Variants in TSC22D1 observed in about 807,000 individuals in gnomAD.
TSC22D1 encodes TSC22 domain family member 1, also known as TSC22 domain family protein 1.
In TSC22D1, 9 loss-of-function variants were observed where a neutral mutation model predicts 74.2. The observed-to-expected ratio is 0.12, with a 90% CI of 0.07 to 0.21. The LOEUF is 0.21. Among genes scored for constraint, TSC22D1 ranks in the 10% least tolerant of loss-of-function variants. The pLI is 1.00. For missense variants in TSC22D1, 1,427 were observed against 1,304.7 expected, an observed-to-expected ratio of 1.09 and a Z score of -1.44; for synonymous variants, 586 against 492.5, an observed-to-expected ratio of 1.19 and a Z score of -2.51.
chr13:44,575,338 C>G lies in TSC22D1; in HGVS notation c.737G>C (p.Ser246Thr). The change falls in exon 1 of 3, where the codon AGT becomes ACT. Residue 246 changes from serine to threonine, a missense_variant. Physicochemically the swap from Ser to Thr is moderately conservative, Grantham distance 58. Coordinates refer to ENST00000458659, the MANE Select transcript of TSC22D1 (RefSeq NM_183422.4). ...HHHPSHVAVA[S>T]ASITGGPPSS... ...GGGTGGCCCACCAGTAATGGATGCA[C>G]TGGCCACAGCAACATGAGATGGATG... 1 of 1,614,180 alleles carries G rather than the reference C, an allele frequency of 6.2e-7. No individual in the cohort carries two copies.
rs145215518 is a variant in TSC22D1, at chr13:44,437,880, T to G, written c.2913-1785A>C. On this transcript the variant is annotated intron_variant, in intron 1 of 2. Transcript: ENST00000458659. ...AGAAAAGGGAGGATATAATGGTGGTTAAAAATAGTTAAGCAGCCAATAGAT... is the reference window on the plus strand; with the variant it reads ...AGAAAAGGGAGGATATAATGGTGGTGAAAAATAGTTAAGCAGCCAATAGAT... 1.4e-3 allele frequency among the ~76,000 whole-genome samples: 220 copies of G among 152,282 alleles called. 1 individual carries two copies. The highest frequency in any genetic ancestry group is 4.9e-3 in the African/African-American group (204 of 41,530).
intron 1 of TSC22D1, among the ~76,000 whole-genome samples, chr13:44,541,862 A>C (rs899485773): frequency 2.6e-5 from 4 of 152,126 alleles, no homozygotes; most frequent in African/African-American, 9.7e-5. Flanking sequence ...AGTACGTTGG[A>C]GCTATCTACA....
chr13:44,437,165 C>A (rs781404348), intron 1 of TSC22D1: 15 of 985,578 alleles, frequency 1.5e-5, no homozygotes, highest in Non-Finnish European at 1.8e-5. Flanking sequence ...GGGGCCCCCA[C>A]ACGTGCTTAC....
chr13:44,491,803 A>G (rs2137959777), intron 1 of TSC22D1, among the ~76,000 whole-genome samples: 1 of 152,348 alleles, frequency 6.6e-6, no homozygotes, highest in East Asian at 1.9e-4. Context: ...TTAGGAAAAC[A>G]ATAATCAGTG....
At chr13:44,528,276 A>G (rs1880649700) in intron 1 of TSC22D1, among the ~76,000 whole-genome samples, 3 of 152,024 alleles carry the variant, frequency 2.0e-5, no homozygotes, top group African/African-American at 7.3e-5. Context: ...ATGTTCACCA[A>G]AACAGACCAC....
At chr13:44,556,664 A>C (rs1882660871) in intron 1 of TSC22D1, among the ~76,000 whole-genome samples, 1 of 151,948 alleles carries the variant, frequency 6.6e-6, no homozygotes. Flanking sequence ...TCAGGAGTTC[A>C]TGACCAGTCT....
intron 2 of TSC22D1, 122 bp downstream of exon 2, chr13:44,435,922 A>G (rs1874571263): frequency 2.8e-6 from 3 of 1,085,052 alleles, no homozygotes; most frequent in Admixed American, 2.0e-5. Context: ...CAGCGCCGGC[A>G]TTTCTACGCG....
intron 1 of TSC22D1, 24 bp from the exon 2 acceptor site, chr13:44,436,119 T>C: frequency 6.2e-7 from 1 of 1,606,854 alleles, no homozygotes; most frequent in Non-Finnish European, 8.5e-7. Flanking sequence ...GGGAAAAAGG[T>C]CATCGATAAA....
chr13:44,455,055 C>T (rs1173866108), intron 1 of TSC22D1, among the ~76,000 whole-genome samples: 16 of 152,080 alleles, frequency 1.1e-4, no homozygotes, highest in Admixed American at 9.2e-4. Flanking sequence ...TTACATTCAA[C>T]TGGGGCTGAA....
chr13:44,464,698 C>T (rs2137888538), intron 1 of TSC22D1, among the ~76,000 whole-genome samples: 1 of 152,358 alleles, frequency 6.6e-6, no homozygotes, highest in East Asian at 1.9e-4. Context: ...GCTCTCAGCT[C>T]TGCTGTATAG....
At chr13:44,470,289 T>C (rs999144960) in intron 1 of TSC22D1, among the ~76,000 whole-genome samples, 2 of 152,160 alleles carry the variant, frequency 1.3e-5, no homozygotes, top group African/African-American at 4.8e-5. Flanking sequence ...TATCCACTAA[T>C]GAGCAAACCA....
At chr13:44,440,571 G>A (rs1271200222) in intron 1 of TSC22D1, among the ~76,000 whole-genome samples, 1 of 133,456 alleles carries the variant, frequency 7.5e-6, no homozygotes. Flanking sequence ...CTAGGCAACA[G>A]GGCAAGGCTC....
At chr13:44,520,622 G>A (rs1880267180) in intron 1 of TSC22D1, among the ~76,000 whole-genome samples, 2 of 151,978 alleles carry the variant, frequency 1.3e-5, no homozygotes, top group Non-Finnish European at 1.5e-5. Context: ...TGAGAAAGAA[G>A]TAATTTTTTA....
At chr13:44,438,729 CTAAG>C (rs1566111572) in intron 1 of TSC22D1, among the ~76,000 whole-genome samples, 3 of 151,952 alleles carry the variant, frequency 2.0e-5, no homozygotes, top group African/African-American at 7.3e-5. Flanking sequence ...CAAAAGGAGA[CTAAG>C]TAGAAGCTTA....
chr13:44,435,170 C>CCCGA, intron 2 of TSC22D1: 1 of 304,864 alleles, frequency 3.3e-6, no homozygotes. Flanking sequence ...GCGCTGGGTC[C>CCCGA]CCGACTGAGA....
At chr13:44,468,470 C>T (rs977140323) in intron 1 of TSC22D1, among the ~76,000 whole-genome samples, 1 of 149,762 alleles carries the variant, frequency 6.7e-6, no homozygotes, top group Admixed American at 6.7e-5. Flanking sequence ...TATTTCGTTC[C>T]TGTAACAACC....
chr13:44,532,459 C>A (rs1880897955), intron 1 of TSC22D1, among the ~76,000 whole-genome samples: 1 of 151,766 alleles, frequency 6.6e-6, no homozygotes, highest in African/African-American at 2.4e-5. Context: ...AGCTGCAGTG[C>A]GCTCACAGAA....
At chr13:44,503,997 G>T (rs539301837) in intron 1 of TSC22D1, among the ~76,000 whole-genome samples, 12 of 151,984 alleles carry the variant, frequency 7.9e-5, no homozygotes, top group African/African-American at 2.9e-4. Context: ...AAATATGCAA[G>T]ACTATATAGC....
At chr13:44,522,411 T>C (rs549233413) in intron 1 of TSC22D1, among the ~76,000 whole-genome samples, 1 of 152,334 alleles carries the variant, frequency 6.6e-6, no homozygotes, top group South Asian at 2.1e-4. Flanking sequence ...ACAAATCATA[T>C]TCTGTGAATA....
Sources: gnomAD v4.1 joint callset for allele counts (sites outside exome capture counted in the v4.1 genomes callset) on GRCh38, gnomAD v4.1.1 for gene constraint, MANE v1.5 for transcripts, NCBI Gene and HGNC (gene_info 2026-07-23, HGNC 2026-07-21) for gene names.